SLC6A20: variants seen among roughly 807,000 people sequenced by gnomAD.
SLC6A20 encodes the protein sodium- and chloride-dependent transporter XTRP3.
In SLC6A20, 73 loss-of-function variants were observed where a neutral mutation model predicts 64.3. The ratio of observed to expected loss-of-function variants is 1.14; its 90% CI spans 0.94 to 1.38. The LOEUF is 1.38. Ranked by LOEUF, SLC6A20 falls within the 40% of genes most tolerant of loss-of-function variation. SLC6A20 has a pLI of 0.00. For missense variants in SLC6A20, 725 were observed against 772.8 expected (o/e 0.94, Z 0.73); for synonymous variants, 347 against 329.6 (o/e 1.05, Z -0.57).
Position 45,760,851 on chromosome 3 carries a change from C to T in SLC6A20, c.1464-829G>A, listed in dbSNP as rs142631717. On this transcript the variant is annotated intron_variant, in intron 9 of 10. Coordinates refer to ENST00000358525, the MANE Select transcript of SLC6A20 (RefSeq NM_020208.4). The stretch of plus-strand genomic sequence containing the variant: ...CAGGAGGAACCAAGGCCCAGGGCTG[C>T]GATGCCTTCTTCCTTAGGGCTTGGT... Among the ~76,000 whole-genome samples the T allele has an allele frequency of 2.5e-3, 384 of 152,352 alleles. 3 individuals carry two copies. The highest frequency in any genetic ancestry group is 8.2e-3 in the African/African-American group (342 of 41,578).
chr3:45,784,310 A>G (rs1700140144), intron 1 of SLC6A20, among the ~76,000 whole-genome samples: 1 of 152,252 alleles, frequency 6.6e-6, no homozygotes, highest in South Asian at 2.1e-4. Context: ...ATGCAGAAAA[A>G]TGAAACTCAA....
At chr3:45,770,616 G>T (rs1226248446) in intron 6 of SLC6A20, among the ~76,000 whole-genome samples, 1 of 152,194 alleles carries the variant, frequency 6.6e-6, no homozygotes, top group Non-Finnish European at 1.5e-5. Flanking sequence ...TCCAGCAGAA[G>T]TTTCTGTGCT....
intron 1 of SLC6A20, among the ~76,000 whole-genome samples, chr3:45,783,813 C>T (rs1357017409): frequency 1.3e-5 from 2 of 152,260 alleles, no homozygotes; most frequent in Non-Finnish European, 2.9e-5. Context: ...ATCCTGCCCT[C>T]TCATGTCCAG....
intron 4 of SLC6A20, 85 bp from the exon 5 acceptor site, chr3:45,772,700 G>T: frequency 9.2e-7 from 1 of 1,088,154 alleles, no homozygotes; most frequent in Non-Finnish European, 1.3e-6. Flanking sequence ...ACCACATCTG[G>T]GGTATTCAGG....
At chr3:45,777,983 T>C (rs1699999527) in intron 3 of SLC6A20, among the ~76,000 whole-genome samples, 2 of 152,104 alleles carry the variant, frequency 1.3e-5, no homozygotes, top group South Asian at 4.2e-4. Context: ...ACCCCGCAAC[T>C]TCATCTCCCC....
chr3:45,775,989 C>T lies in SLC6A20; in HGVS notation c.355-1G>A. 6.2e-7 allele frequency: 1 copy of T among 1,614,014 alleles called. No individual in the cohort carries two copies. The highest frequency in any genetic ancestry group is 8.5e-7 in the Non-Finnish European group (1 of 1,179,904). On this transcript the variant is annotated splice_acceptor_variant, in intron 3 of 10. Coordinates refer to ENST00000358525, the MANE Select transcript of SLC6A20 (RefSeq NM_020208.4). LOFTEE classifies it high-confidence loss of function. ...GGCAGACAGACCACGGCAGGGGATC[C>T]TGTGGGACCAAAGCAAGTGTTATCC...
intron 4 of SLC6A20, 76 bp downstream of exon 4, chr3:45,775,685 G>T (rs1029704434): frequency 1.2e-5 from 17 of 1,424,208 alleles, no homozygotes; most frequent in South Asian, 6.4e-5. Context: ...CCTAGGGTTG[G>T]AGACAGAGGC....
chr3:45,779,956 T>A, intron 3 of SLC6A20, 53 bp downstream of exon 3: 1 of 1,544,510 alleles, frequency 6.5e-7, no homozygotes, highest in African/African-American at 1.4e-5. Context: ...GGCCCTGTTT[T>A]TCTCTCCCTT....
chr3:45,759,576 C>T (rs1374419848), intron 10 of SLC6A20, among the ~76,000 whole-genome samples: 2 of 152,200 alleles, frequency 1.3e-5, no homozygotes, highest in Non-Finnish European at 2.9e-5. Flanking sequence ...CAGGAGCTGG[C>T]GCCTTTGCAG....
At chr3:45,786,684 G>T (rs937749359) in intron 1 of SLC6A20, among the ~76,000 whole-genome samples, 1 of 152,264 alleles carries the variant, frequency 6.6e-6, no homozygotes, top group East Asian at 1.9e-4. Context: ...TCATACTTTT[G>T]CCCAGTAGTT....
At chr3:45,786,487 A>C (rs1421433778) in intron 1 of SLC6A20, among the ~76,000 whole-genome samples, 14 of 152,258 alleles carry the variant, frequency 9.2e-5, no homozygotes, top group Non-Finnish European at 1.6e-4. Flanking sequence ...TGGCAGAAAC[A>C]CTAAAGTTAT....
chr3:45,796,443 C>T lies in SLC6A20; in HGVS notation c.-24G>A, dbSNP rs1559575600. 1 of 1,603,978 alleles carries T rather than the reference C, an allele frequency of 6.2e-7. No individual in the cohort carries two copies. Among genetic ancestry groups the T allele is most frequent in the Non-Finnish European group, 8.5e-7 (1 of 1,175,552 alleles). On this transcript the variant is annotated 5_prime_UTR_variant, in exon 1 of 11. Coordinates refer to ENST00000358525, the MANE Select transcript of SLC6A20 (RefSeq NM_020208.4). The stretch of plus-strand genomic sequence containing the variant: ...ATGGCCCCGGCCTCGGCGCGCTCGG[C>T]TCCGGCTCGGGGGTCCGGCACGGCA...
intron 4 of SLC6A20, among the ~76,000 whole-genome samples, chr3:45,774,783 G>A (rs1303551925): frequency 6.6e-6 from 1 of 152,178 alleles, no homozygotes; most frequent in East Asian, 1.9e-4. Context: ...CATCATTAAG[G>A]CATAGAGAGA....
chr3:45,774,445 T>C (rs1699931142), intron 4 of SLC6A20, among the ~76,000 whole-genome samples: 1 of 152,214 alleles, frequency 6.6e-6, no homozygotes, highest in South Asian at 2.1e-4. Flanking sequence ...GGCTCTACGA[T>C]GGGACTGAGT....
rs199778288 is a variant in SLC6A20, at chr3:45,770,350, G to A, written c.957C>T (p.Asn319=). The A allele has an allele frequency of 6.2e-7, 1 of 1,614,132 alleles. No individual in the cohort carries two copies. The highest frequency in any genetic ancestry group is 8.5e-7 in the Non-Finnish European group (1 of 1,180,044). Residue 319 remains asparagine, a synonymous_variant, in exon 7 of 11, where the codon AAC becomes AAT. Transcript: ENST00000358525. The stretch of plus-strand genomic sequence containing the variant: ...AAAAGCCATCTTCAAGGTCAAAAGT[G>A]TTGGTCAGCAGCAGACTCACCCTGC... The part of the protein sequence containing the change: ...CLKKVSLLLT[N]TFDLEDGFLT...
chr3:45,787,519 G>T (rs1346691002), intron 1 of SLC6A20, among the ~76,000 whole-genome samples: 1 of 152,152 alleles, frequency 6.6e-6, no homozygotes, highest in African/African-American at 2.4e-5. Context: ...TCTCTGCTCT[G>T]CTTAGAACAG....
Position 45,765,765 on chromosome 3 carries a change from G to A in SLC6A20, c.1099-24C>T. On this transcript the variant is annotated intron_variant, in intron 7 of 10. Transcript: ENST00000358525. The surrounding 1 kb of genome is among the most constrained non-coding windows in gnomAD (Gnocchi z 4.2). ...GCCTGCCCAGGGTGAGAAGACACCA[G>A]TTACATGCAAGAGGGACTTATAGTC... The A allele has an allele frequency of 1.2e-6, 2 of 1,613,406 alleles. No individual in the cohort carries two copies. Among genetic ancestry groups the A allele is most frequent in the Non-Finnish European group, 1.7e-6 (2 of 1,179,456 alleles).
intron 1 of SLC6A20, among the ~76,000 whole-genome samples, chr3:45,792,293 G>A (rs373947313): frequency 2.0e-5 from 3 of 152,332 alleles, no homozygotes; most frequent in South Asian, 2.1e-4. Context: ...GCAGGGTGCT[G>A]GGGAGAGAGC....
At chr3:45,769,350 A>AT (rs909217414) in intron 7 of SLC6A20, among the ~76,000 whole-genome samples, 45 of 150,910 alleles carry the variant, frequency 3.0e-4, no homozygotes, top group South Asian at 1.0e-3. Flanking sequence ...AATTCCCTAG[A>AT]TTTTTTTTTT....
Sources: allele counts gnomAD v4.1 joint callset (sites outside exome capture counted in the v4.1 genomes callset), GRCh38; gene constraint gnomAD v4.1.1; non-coding constraint Gnocchi (gnomAD v3.1); transcripts MANE v1.5; gene names NCBI Gene and HGNC (gene_info 2026-07-23, HGNC 2026-07-21).